The following GPR176 variants were observed in gnomAD, a reference collection of about 807,000 sequenced individuals.
The protein encoded by GPR176 is G protein-coupled receptor 176.
Under a neutral mutation model 35.4 loss-of-function variants are expected in GPR176, and 26 were observed. That is an observed-to-expected ratio of 0.74 (90% CI 0.54 to 1.02). The LOEUF is 1.02. Among genes scored for constraint, GPR176 ranks in the 50% least tolerant of loss-of-function variants. The pLI is 0.00. For synonymous variants in GPR176, 278 were observed against 271.3 expected (o/e 1.02, Z -0.24); for missense variants, 597 against 665.3 (o/e 0.90, Z 1.13).
intron 1 of GPR176, among the ~76,000 whole-genome samples, chr15:39,908,179 G>A (rs891040173): frequency 2.0e-5 from 3 of 152,026 alleles, no homozygotes; most frequent in Non-Finnish European, 4.4e-5. Context: ...TACATCCCTG[G>A]GCTCTTGGAG....
chr15:39,893,506 T>G (rs933271722), intron 1 of GPR176, among the ~76,000 whole-genome samples: 5 of 152,134 alleles, frequency 3.3e-5, no homozygotes, highest in African/African-American at 1.2e-4. Context: ...TCTACTTCTT[T>G]CTACACAGAC....
intron 1 of GPR176, among the ~76,000 whole-genome samples, chr15:39,823,923 G>A (rs1446271926): frequency 6.6e-6 from 1 of 152,168 alleles, no homozygotes; most frequent in African/African-American, 2.4e-5. Flanking sequence ...CTGCCTGGGT[G>A]GCTGATATGG....
At chr15:39,811,064 C>T (rs1175024216) in intron 1 of GPR176, among the ~76,000 whole-genome samples, 1 of 152,156 alleles carries the variant, frequency 6.6e-6, no homozygotes, top group Admixed American at 6.6e-5. Flanking sequence ...TGACTTTTAA[C>T]CTAACTATGC....
chr15:39,892,850 C>A (rs1340058179), intron 1 of GPR176, among the ~76,000 whole-genome samples: 1 of 152,232 alleles, frequency 6.6e-6, no homozygotes, highest in Admixed American at 6.5e-5. Context: ...TACATTTCTG[C>A]TGTTTTAAGC....
At chr15:39,918,464 T>C (rs1424973850) in intron 1 of GPR176, among the ~76,000 whole-genome samples, 1 of 152,156 alleles carries the variant, frequency 6.6e-6, no homozygotes, top group Non-Finnish European at 1.5e-5. Flanking sequence ...TATATATATG[T>C]ATATTGGGGG....
At chr15:39,909,639 G>A (rs549825225) in intron 1 of GPR176, among the ~76,000 whole-genome samples, 23 of 152,232 alleles carry the variant, frequency 1.5e-4, no homozygotes, top group African/African-American at 3.4e-4. Flanking sequence ...GACTAAGGCC[G>A]TTCTATGTAG....
intron 1 of GPR176, among the ~76,000 whole-genome samples, chr15:39,816,488 T>C (rs1001070390): frequency 2.0e-5 from 3 of 152,130 alleles, no homozygotes; most frequent in African/African-American, 7.2e-5. Context: ...CATGCCTTAA[T>C]AGAATGCCAA....
At chr15:39,809,755 G>A (rs1242371077) in intron 1 of GPR176, among the ~76,000 whole-genome samples, 3 of 152,166 alleles carry the variant, frequency 2.0e-5, no homozygotes, top group African/African-American at 7.2e-5. Flanking sequence ...GGAAATAAGA[G>A]GTAGAGAGTG....
chr15:39,819,464 G>T (rs1434390317), intron 1 of GPR176, among the ~76,000 whole-genome samples: 1 of 152,098 alleles, frequency 6.6e-6, no homozygotes, highest in Non-Finnish European at 1.5e-5. Flanking sequence ...CTAAATAGAT[G>T]AATAAATTAA....
chr15:39,878,603 T>C (rs2032352692), intron 1 of GPR176, among the ~76,000 whole-genome samples: 2 of 152,206 alleles, frequency 1.3e-5, no homozygotes, highest in South Asian at 2.1e-4. Flanking sequence ...AGTTATCTCT[T>C]AGAGATACCA....
intron 1 of GPR176, among the ~76,000 whole-genome samples, chr15:39,810,858 T>A (rs769839404): frequency 8.5e-5 from 13 of 152,212 alleles, no homozygotes; most frequent in Non-Finnish European, 1.8e-4. Flanking sequence ...GAGGAAAGTT[T>A]AAACAAGTAA....
chr15:39,916,276 G>T (rs1012236886), intron 1 of GPR176, among the ~76,000 whole-genome samples: 1 of 152,192 alleles, frequency 6.6e-6, no homozygotes, highest in African/African-American at 2.4e-5. Context: ...TGGTGCCATT[G>T]AAGAGGAATC....
chr15:39,915,750 G>T (rs766394509), intron 1 of GPR176, among the ~76,000 whole-genome samples: 4 of 152,056 alleles, frequency 2.6e-5, no homozygotes, highest in Non-Finnish European at 5.9e-5. Flanking sequence ...GTGGTGGCAG[G>T]CACCTGTAAT....
chr15:39,903,207 A>G (rs1015292644), intron 1 of GPR176, among the ~76,000 whole-genome samples: 9 of 152,178 alleles, frequency 5.9e-5, no homozygotes, highest in South Asian at 4.1e-4. Flanking sequence ...CTTACAATGG[A>G]TTTACTGGGA....
intron 1 of GPR176, chr15:39,860,856 T>G (rs2031543843): frequency 6.6e-6 from 1 of 152,158 alleles, no homozygotes; most frequent in Admixed American, 6.5e-5. Flanking sequence ...TCAATTAATA[T>G]GGTGCTGGGC....
At chr15:39,811,732 T>C (rs537712563) in intron 1 of GPR176, among the ~76,000 whole-genome samples, 148 of 152,102 alleles carry the variant, frequency 9.7e-4, no homozygotes, top group South Asian at 2.5e-3. Context: ...CTGGCGAACA[T>C]GGTGAAACCC....
intron 1 of GPR176, among the ~76,000 whole-genome samples, chr15:39,831,751 C>G (rs921345677): frequency 1.3e-5 from 2 of 152,126 alleles, no homozygotes; most frequent in African/African-American, 4.8e-5. Flanking sequence ...TCCAGTGGCC[C>G]AATATCTCTC....
chr15:39,853,949 T>C (rs1260530662), intron 1 of GPR176, among the ~76,000 whole-genome samples: 1 of 152,160 alleles, frequency 6.6e-6, no homozygotes, highest in Non-Finnish European at 1.5e-5. Flanking sequence ...ATTATTATTA[T>C]TTAACTCTAG....
intron 1 of GPR176, among the ~76,000 whole-genome samples, chr15:39,842,832 C>T (rs564510642): frequency 7.9e-5 from 12 of 152,080 alleles, no homozygotes; most frequent in African/African-American, 2.9e-4. Context: ...GGTAGGCCCA[C>T]CAAAAGTCTG....
Sources: allele counts gnomAD v4.1 joint callset (sites outside exome capture counted in the v4.1 genomes callset), GRCh38; gene constraint gnomAD v4.1.1; transcripts MANE v1.5; gene names NCBI Gene and HGNC (gene_info 2026-07-23, HGNC 2026-07-21).